VPS13B: variants seen among roughly 807,000 people sequenced by gnomAD.
VPS13B encodes the protein intermembrane lipid transfer protein VPS13B.
A neutral mutation model predicts 426.4 loss-of-function variants in VPS13B; 285 were observed. The observed-to-expected ratio is 0.67, with a 90% confidence interval of 0.61 to 0.74. VPS13B has a LOEUF of 0.74. VPS13B is among the 30% of genes least tolerant of loss of function. The probability of loss-of-function intolerance (pLI) is 0.00; values close to 1 mark genes in which losing one functional copy is unlikely to be tolerated. For synonymous variants in VPS13B, 1,676 were observed against 1,676.4 expected (o/e 1.00, Z 0.01); for missense variants, 4,537 against 4,782.6 (o/e 0.95, Z 1.51).
chr8:99,770,272 T>C (rs1039212415), intron 40 of VPS13B, among the ~76,000 whole-genome samples: 2 of 152,200 alleles, frequency 1.3e-5, no homozygotes, highest in African/African-American at 2.4e-5. Context: ...ACCTTTATAG[T>C]ACTGACCTTT....
intron 8 of VPS13B, among the ~76,000 whole-genome samples, chr8:99,131,277 A>G (rs1285525074): frequency 6.6e-6 from 1 of 152,202 alleles, no homozygotes; most frequent in African/African-American, 2.4e-5. Context: ...TTACTGTTAC[A>G]TTTTGAACAT....
intron 24 of VPS13B, among the ~76,000 whole-genome samples, chr8:99,476,117 C>G (rs923095757): frequency 3.9e-5 from 6 of 152,162 alleles, no homozygotes; most frequent in Non-Finnish European, 7.4e-5. Context: ...TAGACTGACT[C>G]TGATTAAAAT....
rs575129465 is a variant in VPS13B, at chr8:99,869,318, ATG to A, written c.11392+857_11392+858del. Reference sequence around the variant, plus strand: ...CGCATCTGGCCATAAAGCCCATGGGATGTGTTTCTAGGGAGGCATCCTGCTCC... The same window carrying A: ...CGCATCTGGCCATAAAGCCCATGGGATGTTTCTAGGGAGGCATCCTGCTCC... On this transcript the variant is annotated intron_variant, in intron 59 of 61. Coordinates refer to ENST00000357162, the MANE Select transcript of VPS13B (RefSeq NM_152564.5). Among the ~76,000 whole-genome samples the A allele has an allele frequency of 2.4e-3, 372 of 152,252 alleles. 3 individuals carry two copies. Among genetic ancestry groups the A allele is most frequent in the African/African-American group, 8.5e-3 (353 of 41,538 alleles).
At chr8:99,778,528 T>C (rs1811853753) in intron 41 of VPS13B, among the ~76,000 whole-genome samples, 154 bp from the exon 42 acceptor site, 2 of 152,222 alleles carry the variant, frequency 1.3e-5, no homozygotes, top group African/African-American at 4.8e-5. Context: ...ATCCAAAGAT[T>C]ATAATATCTT....
chr8:99,331,979 A>G (rs770895023), intron 19 of VPS13B, among the ~76,000 whole-genome samples: 1 of 151,826 alleles, frequency 6.6e-6, no homozygotes, highest in Admixed American at 6.6e-5. Context: ...AGGAATTTTT[A>G]AAAAATTTAT....
intron 19 of VPS13B, among the ~76,000 whole-genome samples, chr8:99,283,590 A>C (rs1819275930): frequency 1.3e-5 from 2 of 152,192 alleles, no homozygotes; most frequent in South Asian, 4.1e-4. Flanking sequence ...TCTCCAGTCC[A>C]AGCCCTTTGG....
chr8:99,871,772 A>G (rs1817429062), intron 61 of VPS13B, 75 bp downstream of exon 61: 1 of 1,606,720 alleles, frequency 6.2e-7, no homozygotes, highest in Admixed American at 1.7e-5. Context: ...ACTGGTACCT[A>G]GGCATTTCTG....
Position 99,875,753 on chromosome 8 carries a change from C to T in VPS13B, c.*87C>T. Reference sequence around the variant, plus strand: ...GGTCTCACTGCATTGCCCTTGCTGACCTCAAATTCTGGGGTTCAAGCAATC... The same window carrying T: ...GGTCTCACTGCATTGCCCTTGCTGATCTCAAATTCTGGGGTTCAAGCAATC... On this transcript the variant is annotated 3_prime_UTR_variant, in exon 62 of 62. Transcript: ENST00000357162. 1 of 1,567,052 alleles carries T rather than the reference C, an allele frequency of 6.4e-7. No individual in the cohort carries two copies. Among genetic ancestry groups the T allele is most frequent in the East Asian group, 2.3e-5 (1 of 44,350 alleles).
chr8:99,287,166 T>A (rs1341593008), intron 19 of VPS13B, among the ~76,000 whole-genome samples: 1 of 152,136 alleles, frequency 6.6e-6, no homozygotes, highest in Non-Finnish European at 1.5e-5. Context: ...TATTTGAGTA[T>A]CTGTTGTAGA....
intron 39 of VPS13B, among the ~76,000 whole-genome samples, chr8:99,723,784 A>C (rs1833224220): frequency 6.6e-6 from 1 of 152,194 alleles, no homozygotes; most frequent in Non-Finnish European, 1.5e-5. Flanking sequence ...TTGTTGGAGA[A>C]ATGAAGATCC....
At chr8:99,744,413 G>T (rs956826318) in intron 39 of VPS13B, among the ~76,000 whole-genome samples, 1 of 152,120 alleles carries the variant, frequency 6.6e-6, no homozygotes, top group Admixed American at 6.5e-5. Flanking sequence ...TCAATGTGGC[G>T]ATTCCTCAGG....
intron 61 of VPS13B, 176 bp from the exon 62 acceptor site, chr8:99,875,230 TATACTGCTAAAA>T: frequency 1.3e-6 from 1 of 795,398 alleles, no homozygotes; most frequent in Non-Finnish European, 2.1e-6. Flanking sequence ...AACTTTCAGT[TATACTGCTAAAA>T]CTGCATTGTT....
chr8:99,111,251 T>G lies in VPS13B; in HGVS notation c.734T>G (p.Leu245Arg), dbSNP rs1335107364. The G allele has an allele frequency of 6.2e-7, 1 of 1,603,468 alleles. No individual in the cohort carries two copies. Among genetic ancestry groups the G allele is most frequent in the Admixed American group, 1.7e-5 (1 of 58,984 alleles). The change falls in exon 6 of 62, where the codon CTA becomes CGA. Residue 245 changes from leucine to arginine, a missense_variant. Coordinates refer to ENST00000357162, the MANE Select transcript of VPS13B (RefSeq NM_152564.5). Reference sequence around the variant, plus strand: ...CGTCTTCATTTTACATATGAAAACCTAAATTCCAAGATGCCATCTGTTATT... The same window carrying G: ...CGTCTTCATTTTACATATGAAAACCGAAATTCCAAGATGCCATCTGTTATT... The part of the protein sequence containing the change: ...RTRLHFTYEN[L>R]NSKMPSVIKI...
At chr8:99,822,526 GA>G (rs542376567) in intron 50 of VPS13B, among the ~76,000 whole-genome samples, 1 of 152,086 alleles carries the variant, frequency 6.6e-6, no homozygotes, top group Admixed American at 6.5e-5. Context: ...TCAAAACCTG[GA>G]AAAAATGTTA....
chr8:99,197,250 A>G (rs1437725631), intron 17 of VPS13B, among the ~76,000 whole-genome samples: 2 of 152,110 alleles, frequency 1.3e-5, no homozygotes, highest in Admixed American at 6.5e-5. Flanking sequence ...TTTTACATCT[A>G]TGTTCACCAG....
chr8:99,608,585 A>G (rs1212014095), intron 33 of VPS13B, among the ~76,000 whole-genome samples: 1 of 152,196 alleles, frequency 6.6e-6, no homozygotes, highest in Non-Finnish European at 1.5e-5. Context: ...ATTTTGGAAT[A>G]ATTTTAACAA....
At chr8:99,338,224 A>T (rs1014086406) in intron 19 of VPS13B, among the ~76,000 whole-genome samples, 9 of 152,072 alleles carry the variant, frequency 5.9e-5, no homozygotes, top group Non-Finnish European at 1.3e-4. Flanking sequence ...GTCAGTTTCT[A>T]TTAAAAACAC....
intron 19 of VPS13B, among the ~76,000 whole-genome samples, chr8:99,366,933 T>G (rs1053325338): frequency 2.0e-5 from 3 of 152,204 alleles, no homozygotes; most frequent in Non-Finnish European, 4.4e-5. Context: ...TTTTGTTTTT[T>G]CTATGTATAT....
Position 99,820,132 on chromosome 8 carries a change from C to G in VPS13B, c.8994+10C>G, listed in dbSNP as rs1444008461. On this transcript the variant is annotated intron_variant, in intron 49 of 61. Transcript: ENST00000357162. ...TCCTCCTAATTTTCAGGTACTATAA[C>G]TTTTTTAACTAATACGAATTCTTAT... 1.9e-6 allele frequency: 3 copies of G among 1,610,832 alleles called. No individual in the cohort carries two copies. Among genetic ancestry groups the G allele is most frequent in the East Asian group, 4.5e-5 (2 of 44,828 alleles).
Sources: allele counts gnomAD v4.1 joint callset (sites outside exome capture counted in the v4.1 genomes callset), GRCh38; gene constraint gnomAD v4.1.1; transcripts MANE v1.5; gene names NCBI Gene and HGNC (gene_info 2026-07-23, HGNC 2026-07-21).